Variants in TRAPPC10 observed in about 807,000 individuals in gnomAD.
TRAPPC10 encodes the protein trafficking protein particle complex subunit 10.
In TRAPPC10, 23 loss-of-function variants were observed where a neutral mutation model predicts 125.5. The ratio of observed to expected loss-of-function variants is 0.18; its 90% CI spans 0.13 to 0.26. The LOEUF (loss-of-function observed/expected upper bound fraction) is 0.26. Among genes scored for constraint, TRAPPC10 ranks in the 10% least tolerant of loss-of-function variants. The pLI, the probability that TRAPPC10 is intolerant of heterozygous loss-of-function variation, is 1.00. For missense variants in TRAPPC10, 1,123 were observed against 1,308.4 expected, an observed-to-expected ratio of 0.86 and a Z score of 2.19; for synonymous variants, 509 against 518.0, an observed-to-expected ratio of 0.98 and a Z score of 0.24.
At chr21:44,074,590 T>C (rs545072822) in intron 8 of TRAPPC10, 120 bp downstream of exon 8, 5 of 1,321,286 alleles carry the variant, frequency 3.8e-6, no homozygotes, top group African/African-American at 2.9e-5. Flanking sequence ...GCATCCACTT[T>C]AGTGGCCCTA....
At position 44,012,401 on chromosome 21, in the gene TRAPPC10, G is replaced by T. The variant is rs1288491194; in HGVS notation, c.-93G>T. On this transcript the variant is annotated 5_prime_UTR_variant, in exon 1 of 23. Coordinates refer to ENST00000291574, the MANE Select transcript of TRAPPC10 (RefSeq NM_003274.5). ...AGCTGCCTGGCGCGGCCGGGCGGGC[G>T]GCGCCGCTCAGGCTCGGGCTCCGGC... 2.6e-6 allele frequency: 2 copies of T among 766,870 alleles called. No homozygotes were observed. The highest frequency in any genetic ancestry group is 3.2e-6 in the Non-Finnish European group (2 of 625,976). 47.5% of individuals were successfully genotyped at this position (766,870 alleles called of 1,614,324 possible).
intron 1 of TRAPPC10, among the ~76,000 whole-genome samples, chr21:44,019,897 T>C (rs893767479): frequency 6.6e-6 from 1 of 152,226 alleles, no homozygotes; most frequent in Non-Finnish European, 1.5e-5. Context: ...GGGAATGTTA[T>C]CTTGACATTT....
At chr21:44,047,056 A>C in intron 3 of TRAPPC10, 1 of 698,098 alleles carries the variant, frequency 1.4e-6, no homozygotes, top group Non-Finnish European at 2.7e-6. Flanking sequence ...AATTCTGCTG[A>C]AGCTCAAGCA....
intron 1 of TRAPPC10, among the ~76,000 whole-genome samples, chr21:44,021,676 C>G (rs2032516604): frequency 6.6e-6 from 1 of 152,166 alleles, no homozygotes. Context: ...CACACCGAAG[C>G]CCTGACTCCC....
intron 4 of TRAPPC10, 104 bp from the exon 5 acceptor site, chr21:44,055,591 AAAG>A (rs1015134511): frequency 4.0e-5 from 36 of 904,556 alleles, no homozygotes; most frequent in African/African-American, 5.0e-5. Flanking sequence ...AAAAAAAAAA[AAAG>A]GAGGAGGAAG....
At chr21:44,075,228 T>C in intron 9 of TRAPPC10, 75 bp downstream of exon 9, 1 of 1,098,508 alleles carries the variant, frequency 9.1e-7, no homozygotes, top group Non-Finnish European at 1.4e-6. Flanking sequence ...TTGGCACATT[T>C]AACCGAAGTT....
At chr21:44,049,402 T>C (rs1045138442) in intron 3 of TRAPPC10, among the ~76,000 whole-genome samples, 1 of 152,226 alleles carries the variant, frequency 6.6e-6, no homozygotes, top group African/African-American at 2.4e-5. Flanking sequence ...CTCCTGTCAC[T>C]GCTGCTCTGC....
intron 7 of TRAPPC10, among the ~76,000 whole-genome samples, chr21:44,073,911 C>T (rs1275588153): frequency 2.6e-5 from 4 of 152,134 alleles, no homozygotes; most frequent in African/African-American, 2.4e-5. Context: ...CCTCTTGACA[C>T]TAATCTGTGG....
At position 44,037,903 on chromosome 21, in the gene TRAPPC10, C is replaced by G. The variant is rs749981465; in HGVS notation, c.261C>G (p.Leu87=). 6.2e-7 allele frequency: 1 copy of G among 1,613,854 alleles called. No individual in the cohort carries two copies. The highest frequency in any genetic ancestry group is 1.7e-5 in the Admixed American group (1 of 60,004). ...GNKALLTFPF[L]HIYWTECCDT... ...AAGCTCTGCTCACGTTTCCCTTCCT[C>G]CATATTTACTGGACAGAGTGCTGTG... Residue 87 remains leucine, a synonymous_variant, in exon 3 of 23, where the codon CTC becomes CTG. Coordinates refer to ENST00000291574, the MANE Select transcript of TRAPPC10 (RefSeq NM_003274.5).
Position 44,082,447 on chromosome 21 carries a change from G to A in TRAPPC10, c.1724-341G>A, listed in dbSNP as rs533087824. Among the ~76,000 whole-genome samples, 1 of 152,186 alleles carries A rather than the reference G, an allele frequency of 6.6e-6. No individual in the cohort carries two copies. Among genetic ancestry groups the A allele is most frequent in the Non-Finnish European group, 1.5e-5 (1 of 68,034 alleles). The stretch of plus-strand genomic sequence containing the variant: ...AGGTGAGAAAATATTGGAATCCCTT[G>A]GAAATAGCTGTAGAAATTGGACTAT... On this transcript the variant is annotated intron_variant, in intron 13 of 22. Coordinates refer to ENST00000291574, the MANE Select transcript of TRAPPC10 (RefSeq NM_003274.5). This position sits in a 1 kb window ranked among gnomAD's most constrained non-coding sequence, Gnocchi z 4.4.
rs33940679 is a variant in TRAPPC10, at chr21:44,047,532, A to ATGTGTGTGTGTGTGTGTGTGTG, written c.286-4735_286-4714dup. Among the ~76,000 whole-genome samples the ATGTGTGTGTGTGTGTGTGTGTG allele has an allele frequency of 4.1e-3, 581 of 142,862 alleles. 10 individuals carry two copies. Among genetic ancestry groups the ATGTGTGTGTGTGTGTGTGTGTG allele is most frequent in the East Asian group, 0.022 (102 of 4,548 alleles). The allele number at this position is 142,862 out of a possible 152,430, so 93.7% of individuals were successfully genotyped here. ...TCTGTTGCACCCTCTCTGGGGGAGTATGTGTGTGTGTGTGTGTGTGTGTGT... is the reference window on the plus strand; with the variant it reads ...TCTGTTGCACCCTCTCTGGGGGAGTATGTGTGTGTGTGTGTGTGTGTGTGTGTGTGTGTGTGTGTGTGTGTGT... On this transcript the variant is annotated intron_variant, in intron 3 of 22. Coordinates refer to ENST00000291574, the MANE Select transcript of TRAPPC10 (RefSeq NM_003274.5).
rs868435233 is a variant in TRAPPC10, at chr21:44,059,347, G to A, written c.790+133G>A. 3.4e-4 allele frequency: 236 copies of A among 692,584 alleles called. 1 individual carries two copies. The highest frequency in any genetic ancestry group is 1.0e-3 in the South Asian group (60 of 59,058). The allele number at this position is 692,584 out of a possible 1,614,324, so 42.9% of individuals were successfully genotyped here. ...TTGTTGTCTTTATACACATTATATCGGATATATTCTCGTGATTCCTAGAGG... is the reference window on the plus strand; with the variant it reads ...TTGTTGTCTTTATACACATTATATCAGATATATTCTCGTGATTCCTAGAGG... On this transcript the variant is annotated intron_variant, in intron 6 of 22. Coordinates refer to ENST00000291574, the MANE Select transcript of TRAPPC10 (RefSeq NM_003274.5). This position sits in a 1 kb window ranked among gnomAD's most constrained non-coding sequence, Gnocchi z 4.4.
chr21:44,048,361 C>G (rs2034999547), intron 3 of TRAPPC10, among the ~76,000 whole-genome samples: 1 of 152,192 alleles, frequency 6.6e-6, no homozygotes, highest in Admixed American at 6.5e-5. Flanking sequence ...ACCCAGAGGG[C>G]TTGCTGGGCT....
At chr21:44,023,619 T>C (rs1354625031) in intron 1 of TRAPPC10, among the ~76,000 whole-genome samples, 1 of 152,244 alleles carries the variant, frequency 6.6e-6, no homozygotes, top group Non-Finnish European at 1.5e-5. Context: ...TTTAATGCCC[T>C]GATCTGCACT....
intron 9 of TRAPPC10, among the ~76,000 whole-genome samples, chr21:44,076,086 T>G (rs2037260866): frequency 6.6e-6 from 1 of 152,062 alleles, no homozygotes; most frequent in African/African-American, 2.4e-5. Flanking sequence ...TAAGGCTCTT[T>G]GAAAGGAGGA....
chr21:44,063,497 G>A lies in TRAPPC10; in HGVS notation c.791-41G>A, dbSNP rs2036207995. On this transcript the variant is annotated intron_variant, in intron 6 of 22. Coordinates refer to ENST00000291574, the MANE Select transcript of TRAPPC10 (RefSeq NM_003274.5). This position sits in a 1 kb window ranked among gnomAD's most constrained non-coding sequence, Gnocchi z 4.4. ...TGAGCAGGAAGCTCAGGAAGGTGAA[G>A]TACCTGCAATCAGCACCTTTCATGA... The A allele has an allele frequency of 2.5e-6, 4 of 1,602,394 alleles. No individual in the cohort carries two copies. The highest frequency in any genetic ancestry group is 2.6e-6 in the Non-Finnish European group (3 of 1,173,086).
Position 44,082,900 on chromosome 21 carries a change from G to A in TRAPPC10, c.1836G>A (p.Met612Ile). 6.2e-7 allele frequency: 1 copy of A among 1,614,120 alleles called. No individual in the cohort carries two copies. The highest frequency in any genetic ancestry group is 8.5e-7 in the Non-Finnish European group (1 of 1,180,018). The change falls in exon 14 of 23, where the codon ATG becomes ATA. Residue 612 changes from methionine to isoleucine, a missense_variant. Transcript: ENST00000291574. This position sits in a 1 kb window ranked among gnomAD's most constrained non-coding sequence, Gnocchi z 4.4. ...GCGTTTTGTGCGTTGAGATAACCAT[G>A]TACAGCCAGATGCCTGTGCCTGTTC... is the stretch of plus-strand genomic sequence containing the variant. ...VGGVLCVEIT[M>I]YSQMPVPVHV...
At chr21:44,043,655 C>T (rs1237754024) in intron 3 of TRAPPC10, among the ~76,000 whole-genome samples, 1 of 152,182 alleles carries the variant, frequency 6.6e-6, no homozygotes, top group Admixed American at 6.5e-5. Flanking sequence ...ATGCTCCTCT[C>T]TATGTGACAG....
At chr21:44,058,825 G>A (rs1294898477) in intron 5 of TRAPPC10, among the ~76,000 whole-genome samples, 1 of 152,240 alleles carries the variant, frequency 6.6e-6, no homozygotes, top group Non-Finnish European at 1.5e-5. Context: ...CCAGGTCCTG[G>A]ACAGCAGGAA....
Sources: gnomAD v4.1 joint callset for allele counts (sites outside exome capture counted in the v4.1 genomes callset) on GRCh38, gnomAD v4.1.1 for gene constraint, Gnocchi (gnomAD v3.1) non-coding constraint, MANE v1.5 for transcripts, NCBI Gene and HGNC (gene_info 2026-07-23, HGNC 2026-07-21) for gene names.